EPRS1: variants seen among roughly 807,000 people sequenced by gnomAD.
EPRS1 encodes glutamyl-prolyl-tRNA synthetase 1.
Under a neutral mutation model 188.3 loss-of-function variants are expected in EPRS1, and 107 were observed. That is an observed-to-expected ratio of 0.57 (90% CI 0.49 to 0.67). The LOEUF is 0.67. Among genes scored for constraint, EPRS1 ranks in the 30% least tolerant of loss-of-function variants. EPRS1 has a pLI of 0.00. For synonymous variants in EPRS1, 596 were observed against 593.1 expected (o/e 1.00, Z -0.07); for missense variants, 1,577 against 1,802.2 (o/e 0.88, Z 2.26).
intron 2 of EPRS1, among the ~76,000 whole-genome samples, chr1:220,039,652 G>C (rs1008769858): frequency 1.3e-5 from 2 of 151,916 alleles, no homozygotes; most frequent in African/African-American, 4.8e-5. Flanking sequence ...CCAGGTAGCT[G>C]GGATTACAAG....
At chr1:219,989,155 A>C (rs1661070710) in intron 18 of EPRS1, among the ~76,000 whole-genome samples, 1 of 152,166 alleles carries the variant, frequency 6.6e-6, no homozygotes, top group Admixed American at 6.5e-5. Context: ...CAAAATCAGA[A>C]CAAAGATCAG....
intron 6 of EPRS1, among the ~76,000 whole-genome samples, chr1:220,028,171 G>A (rs1418283335): frequency 6.6e-6 from 1 of 151,972 alleles, no homozygotes; most frequent in East Asian, 1.9e-4. Flanking sequence ...AAAATATTGT[G>A]GTGTACTTTT....
chr1:220,024,555 A>G, intron 7 of EPRS1, 99 bp from the exon 8 acceptor site: 2 of 742,100 alleles, frequency 2.7e-6, no homozygotes, highest in Non-Finnish European at 4.3e-6. Flanking sequence ...AACATAGACC[A>G]TCAGTCTTAT....
chr1:219,984,112 T>C, intron 21 of EPRS1, 94 bp downstream of exon 21: 1 of 832,698 alleles, frequency 1.2e-6, no homozygotes. Context: ...ACAACATTAT[T>C]ACTATTGCCT....
At chr1:219,974,458 T>C (rs559785517) in intron 28 of EPRS1, among the ~76,000 whole-genome samples, 1 of 152,356 alleles carries the variant, frequency 6.6e-6, no homozygotes, top group African/African-American at 2.4e-5. Context: ...ACCACATTTT[T>C]AGGGCCCAGA....
At chr1:220,015,116 C>A (rs768026068) in intron 12 of EPRS1, among the ~76,000 whole-genome samples, 1 of 152,074 alleles carries the variant, frequency 6.6e-6, no homozygotes, top group Non-Finnish European at 1.5e-5. Context: ...CCAAGAGGCC[C>A]AACATCTTCC....
intron 30 of EPRS1, among the ~76,000 whole-genome samples, chr1:219,970,254 A>C (rs1475812074): frequency 1.3e-5 from 2 of 152,364 alleles, no homozygotes; most frequent in East Asian, 3.9e-4. Flanking sequence ...TGAGGGGAAT[A>C]GCAAAGTTGT....
rs781321466 is a variant in EPRS1, at chr1:219,968,873, G to A, written c.4472C>T (p.Pro1491Leu). The A allele has an allele frequency of 6.2e-7, 1 of 1,614,032 alleles. No homozygotes were observed. Among genetic ancestry groups the A allele is most frequent in the Admixed American group, 1.7e-5 (1 of 60,012 alleles). ...IPFKPLCELQ[P>L]GAKCVCGKNP... The stretch of plus-strand genomic sequence containing the variant: ...CTTGCCACAGACACATTTGGCTCCA[G>A]GCTGCAGTTCACAGAGTGGTTTGAA... Residue 1491 changes from proline to leucine, a missense_variant, in exon 32 of 32, where the codon CCT becomes CTT. By Grantham distance (98) the Pro-to-Leu change is moderately conservative (BLOSUM62 -3). Transcript: ENST00000366923.
chr1:220,005,221 T>G (rs776416703), intron 16 of EPRS1, 27 bp downstream of exon 16: 1 of 1,056,812 alleles, frequency 9.5e-7, no homozygotes, highest in South Asian at 1.7e-5. Flanking sequence ...AGCATTTTCA[T>G]TTAGACGTTC....
At chr1:220,025,297 G>A (rs1224833782) in intron 6 of EPRS1, 39 bp from the exon 7 acceptor site, 6 of 1,511,694 alleles carry the variant, frequency 4.0e-6, no homozygotes, top group Non-Finnish European at 4.5e-6. Flanking sequence ...TCATTAACAT[G>A]TTTTAACTAA....
At chr1:220,039,472 C>T (rs1486030790) in intron 2 of EPRS1, among the ~76,000 whole-genome samples, 2 of 150,818 alleles carry the variant, frequency 1.3e-5, no homozygotes, top group East Asian at 1.9e-4. Flanking sequence ...TTTCTAGGGA[C>T]AATCTACTTA....
At chr1:220,041,056 CATG>C (rs1308053519) in intron 1 of EPRS1, among the ~76,000 whole-genome samples, 5 of 151,904 alleles carry the variant, frequency 3.3e-5, no homozygotes, top group African/African-American at 1.2e-4. Context: ...ATTCAAAGGA[CATG>C]ATATCTCAAG....
In EPRS1 at chr1:220,013,563, G is replaced by T. The variant is rs189117703; in HGVS notation, c.1495-2507C>A. Among the ~76,000 whole-genome samples, 50 of 152,056 alleles carry T rather than the reference G, an allele frequency of 3.3e-4. No homozygotes were observed. In the East Asian group the frequency reaches 9.3e-3, roughly 28 times the overall value. On this transcript the variant is annotated intron_variant, in intron 12 of 31. Coordinates refer to ENST00000366923, the MANE Select transcript of EPRS1 (RefSeq NM_004446.3). ...AGTGAAGAGTAGGAGAATGTCCAAA[G>T]AATGATGATTCAGCTCTGCCAGTAA...
Position 219,979,532 on chromosome 1 carries a change from C to T in EPRS1, c.3795G>A (p.Lys1265=), listed in dbSNP as rs1203342025. The T allele has an allele frequency of 6.2e-7, 1 of 1,613,820 alleles. No individual in the cohort carries two copies. The highest frequency in any genetic ancestry group is 8.5e-7 in the Non-Finnish European group (1 of 1,179,894). ...CCCAGGAGTTTTGATAGGCAAATTG[C>T]TTCTCTCCTGGTATCTTTGGATCTT... is the stretch of plus-strand genomic sequence containing the variant. ...VFEDPKIPGE[K]QFAYQNSWGL... The change falls in exon 27 of 32, where the codon AAG becomes AAA. Residue 1265 remains lysine (K), a synonymous_variant. Transcript: ENST00000366923.
At chr1:219,987,029 A>G (rs1571662307) in intron 20 of EPRS1, 113 bp downstream of exon 20, 1 of 1,085,878 alleles carries the variant, frequency 9.2e-7, no homozygotes, top group East Asian at 2.4e-5. Context: ...TTGTAGCTTT[A>G]GCGTTCTCTA....
intron 29 of EPRS1, 147 bp downstream of exon 29, chr1:219,973,091 C>G (rs756084094): frequency 1.6e-6 from 1 of 640,720 alleles, no homozygotes; most frequent in Non-Finnish European, 2.7e-6. Flanking sequence ...AGTAAAAAAC[C>G]CAGAGAGTGG....
chr1:220,019,228 AGTGAG>A, intron 10 of EPRS1, 149 bp from the exon 11 acceptor site: 1 of 586,170 alleles, frequency 1.7e-6, no homozygotes, highest in Non-Finnish European at 3.0e-6. Flanking sequence ...ATGCAATACT[AGTGAG>A]CCCAAATTCA....
Position 220,014,241 on chromosome 1 carries a change from T to C in EPRS1, c.1495-3185A>G, listed in dbSNP as rs543860128. On this transcript the variant is annotated intron_variant, in intron 12 of 31. Coordinates refer to ENST00000366923, the MANE Select transcript of EPRS1 (RefSeq NM_004446.3). ...TACTCGGGAGGCTGAAGCAGGAGAATTGCTTGAACCCAGGAGGCAGAGGTT... is the reference window on the plus strand; with the variant it reads ...TACTCGGGAGGCTGAAGCAGGAGAACTGCTTGAACCCAGGAGGCAGAGGTT... 7.2e-5 allele frequency among the ~76,000 whole-genome samples: 11 copies of C among 152,080 alleles called. No homozygotes were observed. In the South Asian group the frequency reaches 2.3e-3, roughly 32 times the overall value.
chr1:220,046,281 C>T (rs1278374427), intron 1 of EPRS1, 62 bp downstream of exon 1: 123 of 1,602,950 alleles, frequency 7.7e-5, no homozygotes, highest in Non-Finnish European at 1.0e-4. Flanking sequence ...CAGCGACCTT[C>T]CACGCCCTGC....
Sources: allele counts gnomAD v4.1 joint callset (sites outside exome capture counted in the v4.1 genomes callset), GRCh38; gene constraint gnomAD v4.1.1; transcripts MANE v1.5; gene names NCBI Gene and HGNC (gene_info 2026-07-23, HGNC 2026-07-21).